The following PCNT variants were observed in gnomAD, a reference collection of about 807,000 sequenced individuals.
PCNT encodes kendrin.
PCNT carries 319 observed loss-of-function variants against 380.4 expected under a neutral mutation model. The observed-to-expected ratio is 0.84, with a 90% CI of 0.77 to 0.92. PCNT has a LOEUF of 0.92. Ranked by LOEUF, PCNT falls within the 40% of genes least tolerant of loss-of-function variation. The pLI, the probability that PCNT is intolerant of heterozygous loss-of-function variation, is 0.00. For missense variants in PCNT, 4,400 were observed against 4,255.3 expected (o/e 1.03, Z -0.95); for synonymous variants, 1,845 against 1,735.2 (o/e 1.06, Z -1.57).
chr21:46,347,405 A>C (rs1428544799), intron 5 of PCNT, 52 bp from the exon 6 acceptor site: 15 of 1,592,392 alleles, frequency 9.4e-6, no homozygotes, highest in Non-Finnish European at 1.1e-5. Flanking sequence ...CAGTTGGGTC[A>C]CTGAAAAGGT....
chr21:46,342,133 G>A (rs941181864), intron 3 of PCNT, among the ~76,000 whole-genome samples: 2 of 151,984 alleles, frequency 1.3e-5, no homozygotes, highest in South Asian at 2.1e-4. Context: ...TAGAGATGGG[G>A]TTTTGCCATG....
intron 11 of PCNT, 121 bp downstream of exon 11, chr21:46,354,189 G>A (rs2084385787): frequency 1.2e-6 from 1 of 864,158 alleles, no homozygotes; most frequent in Non-Finnish European, 1.9e-6. Flanking sequence ...GAGGAAGGCT[G>A]CTTGCGGATG....
intron 21 of PCNT, among the ~76,000 whole-genome samples, chr21:46,394,331 T>TG (rs1601945730): frequency 6.6e-6 from 1 of 152,346 alleles, no homozygotes; most frequent in Non-Finnish European, 1.5e-5. Flanking sequence ...TTGATGGGCC[T>TG]GCAGCCGCAC....
chr21:46,332,085 G>A (rs898764740), intron 2 of PCNT, among the ~76,000 whole-genome samples: 16 of 152,166 alleles, frequency 1.1e-4, no homozygotes, highest in Non-Finnish European at 1.8e-4. Flanking sequence ...ACTTGAACCC[G>A]GGAGGCAGAG....
In PCNT at chr21:46,355,435, A is replaced by C. The variant is rs2084437104; in HGVS notation, c.1762-17A>C. On this transcript the variant is annotated splice_polypyrimidine_tract_variant and intron_variant, in intron 11 of 46. Coordinates refer to ENST00000359568, the MANE Select transcript of PCNT (RefSeq NM_006031.6). ...CTTGGCTCACTAACGTGCTTGTCCC[A>C]CGTGGTTTCTCTGTAGGAGAGCCTG... The C allele has an allele frequency of 6.2e-7, 1 of 1,612,906 alleles. No individual in the cohort carries two copies. The highest frequency in any genetic ancestry group is 1.1e-5 in the South Asian group (1 of 91,070).
In PCNT at chr21:46,381,720, T is replaced by C; in HGVS notation, c.3192T>C (p.Thr1064=). The C allele has an allele frequency of 6.2e-7, 1 of 1,614,118 alleles. No homozygotes were observed. Among genetic ancestry groups the C allele is most frequent in the Non-Finnish European group, 8.5e-7 (1 of 1,179,932 alleles). Reference sequence around the variant, plus strand: ...GTGAATTTGGAAGTGAAAAGAAAACTGCTTTGCATGAAAAAGAGGAGACAC... The same window carrying C: ...GTGAATTTGGAAGTGAAAAGAAAACCGCTTTGCATGAAAAAGAGGAGACAC... ...HQGEFGSEKK[T]ALHEKEETLR... Residue 1064 remains threonine, a synonymous_variant, in exon 16 of 47, where the codon ACT becomes ACC. Coordinates refer to ENST00000359568, the MANE Select transcript of PCNT (RefSeq NM_006031.6).
At chr21:46,408,719 G>GTTTT (rs34814770) in intron 27 of PCNT, among the ~76,000 whole-genome samples, 10 of 110,570 alleles carry the variant, frequency 9.0e-5, no homozygotes, top group East Asian at 2.4e-4. Context: ...CTTTCAGAAA[G>GTTTT]TTTTTTTTTT....
Position 46,344,127 on chromosome 21 carries a change from C to T in PCNT, c.640-2001C>T, listed in dbSNP as rs559558974. Among the ~76,000 whole-genome samples the T allele has an allele frequency of 5.3e-5, 8 of 151,088 alleles. No individual in the cohort carries two copies. The East Asian group carries it at 5.8e-4, about 11-fold the overall frequency. On this transcript the variant is annotated intron_variant, in intron 3 of 46. Coordinates refer to ENST00000359568, the MANE Select transcript of PCNT (RefSeq NM_006031.6). ...TCACCCAGGCTGGAGTGCAGTGGCG[C>T]GATCTCTGTTCACTGCAAGCTCTGC...
In PCNT at chr21:46,346,896, C is replaced by G. The variant is rs762961416; in HGVS notation, c.874C>G (p.Leu292Val). 2 of 1,605,600 alleles carry G rather than the reference C, an allele frequency of 1.2e-6. No individual in the cohort carries two copies. The highest frequency in any genetic ancestry group is 1.7e-5 in the Admixed American group (1 of 58,522). ...GCTCAACAGCCGGCGTGCCCAGGAG[C>G]TGGCCCTGCTACAGAGCAGGCAGCA... is the stretch of plus-strand genomic sequence containing the variant. Reference protein sequence around the residue: ...EMLNSRRAQELALLQSRQQHE... With the variant: ...EMLNSRRAQEVALLQSRQQHE... Residue 292 changes from leucine to valine, a missense_variant, in exon 5 of 47, where the codon CTG (leucine) becomes GTG (valine). Coordinates refer to ENST00000359568, the MANE Select transcript of PCNT (RefSeq NM_006031.6).
intron 13 of PCNT, among the ~76,000 whole-genome samples, chr21:46,357,904 CCT>C (rs2084534939): frequency 2.0e-5 from 3 of 152,266 alleles, no homozygotes; most frequent in Non-Finnish European, 4.4e-5. Flanking sequence ...GAAGAGGCAC[CCT>C]CTGACTCCCT....
intron 31 of PCNT, among the ~76,000 whole-genome samples, chr21:46,419,744 G>T (rs968992429): frequency 6.6e-6 from 1 of 152,074 alleles, no homozygotes; most frequent in African/African-American, 2.4e-5. Flanking sequence ...CCTCCTCAAC[G>T]GTCTCTTATT....
chr21:46,359,478 C>CTGT (rs2084607707), intron 13 of PCNT, among the ~76,000 whole-genome samples: 3 of 72,646 alleles, frequency 4.1e-5, no homozygotes, highest in Non-Finnish European at 1.0e-4. Context: ...AAAAATACAC[C>CTGT]TGTTTTTTTT....
At position 46,443,802 on chromosome 21, in the gene PCNT, TG is replaced by T. The variant is rs2053675037; in HGVS notation, c.9701-4del. 3.1e-6 allele frequency: 5 copies of T among 1,613,708 alleles called. No homozygotes were observed. The highest frequency in any genetic ancestry group is 4.2e-6 in the Non-Finnish European group (5 of 1,179,930). On this transcript the variant is annotated splice_polypyrimidine_tract_variant and splice_region_variant and intron_variant, in intron 44 of 46. Transcript: ENST00000359568. ...TAATCCCTTGGTTGTTAAATAATTC[TG>T]GGGAAGGGCCCCGAGCACGACAGCC...
At chr21:46,371,202 T>C (rs2085112767) in intron 15 of PCNT, among the ~76,000 whole-genome samples, 1 of 147,066 alleles carries the variant, frequency 6.8e-6, no homozygotes, top group South Asian at 2.1e-4. Flanking sequence ...GTATGGTTTA[T>C]TTTCTTTCTT....
At chr21:46,360,392 T>C (rs1251364222) in intron 13 of PCNT, among the ~76,000 whole-genome samples, 2 of 2,648 alleles carry the variant, frequency 7.6e-4, no homozygotes, top group African/African-American at 2.3e-3. Flanking sequence ...CCTGGCTAGT[T>C]TTTTTTTTAC....
chr21:46,381,576 C>A, intron 15 of PCNT, 118 bp from the exon 16 acceptor site: 2 of 927,194 alleles, frequency 2.2e-6, no homozygotes, highest in Non-Finnish European at 3.5e-6. Flanking sequence ...CTCATCCCGG[C>A]TCTTGGTGCA....
intron 30 of PCNT, among the ~76,000 whole-genome samples, chr21:46,417,112 C>T (rs946124466): frequency 1.9e-4 from 29 of 151,862 alleles, no homozygotes; most frequent in African/African-American, 6.0e-4. Flanking sequence ...AGCCCAGACA[C>T]GTCTTCGTGT....
chr21:46,334,371 C>T (rs373817684), intron 2 of PCNT, 26 bp from the exon 3 acceptor site: 1 of 1,613,870 alleles, frequency 6.2e-7, no homozygotes, highest in Non-Finnish European at 8.5e-7. Context: ...GCTTTAAATG[C>T]TTCTTTCTGG....
chr21:46,351,766 C>T (rs2084282456), intron 9 of PCNT, among the ~76,000 whole-genome samples: 1 of 152,246 alleles, frequency 6.6e-6, no homozygotes, highest in Admixed American at 6.5e-5. Context: ...TGACGTGCAC[C>T]TGTGTGTCCC....
Sources: gnomAD v4.1 joint callset for allele counts (sites outside exome capture counted in the v4.1 genomes callset) on GRCh38, gnomAD v4.1.1 for gene constraint, MANE v1.5 for transcripts, NCBI Gene and HGNC (gene_info 2026-07-23, HGNC 2026-07-21) for gene names.